The following LNP1 variants were observed in gnomAD, a reference collection of about 807,000 sequenced individuals.
LNP1 encodes the protein leukemia NUP98 fusion partner 1.
In LNP1, 12 loss-of-function variants were observed where a neutral mutation model predicts 14.5. The ratio of observed to expected loss-of-function variants is 0.83; its 90% CI spans 0.53 to 1.34. LNP1 has a LOEUF of 1.34. Ranked by LOEUF, LNP1 falls within the 40% of genes most tolerant of loss-of-function variation. The pLI is 0.00. For missense variants in LNP1, 198 were observed against 210.9 expected, an observed-to-expected ratio of 0.94 and a Z score of 0.38; for synonymous variants, 75 against 71.4, an observed-to-expected ratio of 1.05 and a Z score of -0.26.
rs565769310 is a variant in LNP1, at chr3:100,418,059, A to ACTTTTTT, written c.-33-11638_-33-11637insCTTTTTT. 1.3e-4 allele frequency among the ~76,000 whole-genome samples: 15 copies of ACTTTTTT among 115,616 alleles called. 5 individuals are homozygous for ACTTTTTT. The highest frequency in any genetic ancestry group is 1.7e-4 in the Non-Finnish European group (9 of 54,330). 75.8% of individuals were successfully genotyped at this position (115,616 alleles called of 152,430 possible). On this transcript the variant is annotated intron_variant, in intron 1 of 3. Transcript: ENST00000383693. Reference sequence around the variant, plus strand: ...GTTTTGTTCTTTCATTTCTCATACCATTTTTTTTTTTTTTTTTTGAGATGG... The same window carrying ACTTTTTT: ...GTTTTGTTCTTTCATTTCTCATACCACTTTTTTTTTTTTTTTTTTTTTTTTGAGATGG...
At chr3:100,408,171 T>C (rs1321268337) in intron 1 of LNP1, among the ~76,000 whole-genome samples, 1 of 152,216 alleles carries the variant, frequency 6.6e-6, no homozygotes. Context: ...TGTGTCAGTG[T>C]GTGTGCATTC....
intron 2 of LNP1, among the ~76,000 whole-genome samples, chr3:100,431,281 C>T (rs1317831236): frequency 6.6e-6 from 1 of 152,082 alleles, no homozygotes; most frequent in Admixed American, 6.6e-5. Context: ...AGATAGTTAC[C>T]CCATTTACAG....
intron 1 of LNP1, among the ~76,000 whole-genome samples, chr3:100,413,828 G>C (rs1707052252): frequency 6.6e-6 from 1 of 152,154 alleles, no homozygotes; most frequent in Non-Finnish European, 1.5e-5. Flanking sequence ...CTACAGTAGA[G>C]TATTCACTCA....
chr3:100,434,925 T>C (rs1004400005), intron 2 of LNP1, among the ~76,000 whole-genome samples: 6 of 151,998 alleles, frequency 3.9e-5, no homozygotes, highest in Non-Finnish European at 8.8e-5. Context: ...TTTGTAATTT[T>C]AGTTTTTTAT....
chr3:100,452,024 G>T, intron 3 of LNP1, 75 bp downstream of exon 3: 1 of 882,906 alleles, frequency 1.1e-6, no homozygotes, highest in Non-Finnish European at 1.7e-6. Flanking sequence ...CTTTATGATT[G>T]AGGGGAACAA....
At chr3:100,410,498 T>A (rs1386833149) in intron 1 of LNP1, among the ~76,000 whole-genome samples, 1 of 152,116 alleles carries the variant, frequency 6.6e-6, no homozygotes, top group African/African-American at 2.4e-5. Context: ...AGAGGAGATA[T>A]CTAAGTAAAG....
chr3:100,426,183 G>A (rs180715295), intron 1 of LNP1, among the ~76,000 whole-genome samples: 51 of 152,248 alleles, frequency 3.3e-4, no homozygotes, highest in Middle Eastern at 3.4e-3. Context: ...GCCCTTTCCC[G>A]TAGGCATCTG....
At chr3:100,440,418 AAC>A (rs936255005) in intron 2 of LNP1, among the ~76,000 whole-genome samples, 5 of 152,148 alleles carry the variant, frequency 3.3e-5, no homozygotes, top group African/African-American at 1.2e-4. Context: ...TAAGCTTCTT[AAC>A]ACATATTTCT....
At chr3:100,446,021 T>C (rs1341971244) in intron 2 of LNP1, among the ~76,000 whole-genome samples, 4 of 152,216 alleles carry the variant, frequency 2.6e-5, no homozygotes, top group South Asian at 2.1e-4. Flanking sequence ...ATGGCCATAC[T>C]GCTCAAAGTA....
intron 2 of LNP1, among the ~76,000 whole-genome samples, chr3:100,439,186 C>T (rs1196874739): frequency 6.6e-6 from 1 of 152,016 alleles, no homozygotes; most frequent in African/African-American, 2.4e-5. Context: ...TACAAACATC[C>T]ATTTCACTCC....
At chr3:100,441,534 T>C (rs1371729312) in intron 2 of LNP1, among the ~76,000 whole-genome samples, 4 of 152,152 alleles carry the variant, frequency 2.6e-5, no homozygotes, top group African/African-American at 9.7e-5. Context: ...TTTAGGATAT[T>C]TATTAAACAT....
At chr3:100,416,424 C>G (rs1049776221) in intron 1 of LNP1, among the ~76,000 whole-genome samples, 1 of 151,982 alleles carries the variant, frequency 6.6e-6, no homozygotes, top group African/African-American at 2.4e-5. Flanking sequence ...GTTTTGTTTT[C>G]TTTGTCTTTA....
intron 1 of LNP1, among the ~76,000 whole-genome samples, chr3:100,404,011 C>T (rs1706940020): frequency 1.3e-5 from 2 of 152,222 alleles, no homozygotes; most frequent in African/African-American, 4.8e-5. Flanking sequence ...TATAGAACAG[C>T]TCTATTCTCT....
intron 1 of LNP1, among the ~76,000 whole-genome samples, chr3:100,408,494 TG>T (rs1230504039): frequency 3.9e-5 from 6 of 152,224 alleles, no homozygotes; most frequent in African/African-American, 1.4e-4. Context: ...GGGGTACATC[TG>T]AAGCTTGCAG....
intron 2 of LNP1, among the ~76,000 whole-genome samples, chr3:100,446,780 A>G (rs1361721524): frequency 6.6e-6 from 1 of 152,222 alleles, no homozygotes; most frequent in African/African-American, 2.4e-5. Context: ...CCCATCAAAA[A>G]GTGGGCAAAG....
chr3:100,430,058 A>G (rs1018512241), intron 2 of LNP1, among the ~76,000 whole-genome samples, 173 bp downstream of exon 2: 2 of 152,168 alleles, frequency 1.3e-5, no homozygotes, highest in Non-Finnish European at 2.9e-5. Context: ...TTGTCTTTCA[A>G]GGGACCTTAT....
At chr3:100,440,098 T>C (rs1707331961) in intron 2 of LNP1, among the ~76,000 whole-genome samples, 1 of 152,216 alleles carries the variant, frequency 6.6e-6, no homozygotes, top group African/African-American at 2.4e-5. Context: ...ACTGTGATTT[T>C]CCATGGTCTT....
At chr3:100,426,762 C>T (rs1000269038) in intron 1 of LNP1, among the ~76,000 whole-genome samples, 1 of 152,084 alleles carries the variant, frequency 6.6e-6, no homozygotes, top group African/African-American at 2.4e-5. Context: ...TACTTAAATA[C>T]TCAGAGTTTA....
chr3:100,408,332 T>C (rs1185332230), intron 1 of LNP1, among the ~76,000 whole-genome samples: 1 of 152,240 alleles, frequency 6.6e-6, no homozygotes, highest in Non-Finnish European at 1.5e-5. Flanking sequence ...GGGAGTGCTA[T>C]GTACTCCCTA....
Sources: allele counts gnomAD v4.1 joint callset (sites outside exome capture counted in the v4.1 genomes callset), GRCh38; gene constraint gnomAD v4.1.1; transcripts MANE v1.5; gene names NCBI Gene and HGNC (gene_info 2026-07-23, HGNC 2026-07-21).